PAPOLA: variants seen among roughly 807,000 people sequenced by gnomAD.
The protein encoded by PAPOLA is polynucleotide adenylyltransferase alpha.
PAPOLA carries 15 observed loss-of-function variants against 100.6 expected under a neutral mutation model. That is an observed-to-expected ratio of 0.15 (90% CI 0.10 to 0.23). The LOEUF is 0.23. Among genes scored for constraint, PAPOLA ranks in the 10% least tolerant of loss-of-function variants. The pLI is 1.00. For missense variants in PAPOLA, 533 were observed against 884.2 expected (o/e 0.60, Z 5.04); for synonymous variants, 293 against 300.0 (o/e 0.98, Z 0.24).
chr14:96,504,101 T>G (rs1896541565), intron 1 of PAPOLA, among the ~76,000 whole-genome samples: 2 of 152,214 alleles, frequency 1.3e-5, no homozygotes, highest in Non-Finnish European at 2.9e-5. Context: ...TGTTGTGGTG[T>G]TTCTCAGTTC....
At position 96,551,704 on chromosome 14, in the gene PAPOLA, C is replaced by T. The variant is rs539405029; in HGVS notation, c.1522-776C>T. ...GTAATATTACAGTAGTACCAAATAGCGAAAATTTAAACTCTGTTACTAGAA... is the reference window on the plus strand; with the variant it reads ...GTAATATTACAGTAGTACCAAATAGTGAAAATTTAAACTCTGTTACTAGAA... On this transcript the variant is annotated intron_variant, in intron 16 of 21. Coordinates refer to ENST00000216277, the MANE Select transcript of PAPOLA (RefSeq NM_032632.5). Among the ~76,000 whole-genome samples the T allele has an allele frequency of 1.3e-4, 20 of 152,148 alleles. No homozygotes were observed. The South Asian group carries it at 1.7e-3, about 13-fold the overall frequency.
At chr14:96,502,891 C>T (rs1005312887) in intron 1 of PAPOLA, 2 of 399,646 alleles carry the variant, frequency 5.0e-6, no homozygotes, top group Non-Finnish European at 8.9e-6. Flanking sequence ...CCCGGCCACT[C>T]CAGCTTCTCC....
intron 6 of PAPOLA, among the ~76,000 whole-genome samples, chr14:96,530,011 G>A (rs754876852): frequency 3.5e-4 from 53 of 152,150 alleles, no homozygotes; most frequent in Non-Finnish European, 6.9e-4. Context: ...AGACATAAAA[G>A]TTCTCAGATA....
intron 12 of PAPOLA, among the ~76,000 whole-genome samples, chr14:96,539,989 T>A (rs1899851374): frequency 6.6e-6 from 1 of 152,176 alleles, no homozygotes; most frequent in Non-Finnish European, 1.5e-5. Flanking sequence ...TCAGCATAAA[T>A]ACTTGTTAGA....
intron 19 of PAPOLA, among the ~76,000 whole-genome samples, chr14:96,559,095 T>C (rs1221345328): frequency 6.6e-6 from 1 of 151,760 alleles, no homozygotes; most frequent in Admixed American, 6.6e-5. Context: ...TTAATAGAAC[T>C]ATAGCATTTT....
chr14:96,502,477 G>T lies in PAPOLA; in HGVS notation c.-116G>T. 1.3e-6 allele frequency: 1 copy of T among 794,588 alleles called. No homozygotes were observed. The highest frequency in any genetic ancestry group is 2.1e-6 in the Non-Finnish European group (1 of 473,910). The allele number at this position is 794,588 out of a possible 1,614,324, so 49.2% of individuals were successfully genotyped here. A position where few individuals can be genotyped will look rare whatever the true frequency, so the allele number is the denominator to read the frequency against. On this transcript the variant is annotated 5_prime_UTR_variant, in exon 1 of 22. Coordinates refer to ENST00000216277, the MANE Select transcript of PAPOLA (RefSeq NM_032632.5). ...GCGGGAGCGGTGCGGGAGAGGGGTTGGACCCAGGGCTGAGGCAGGCCCCCC... is the reference window on the plus strand; with the variant it reads ...GCGGGAGCGGTGCGGGAGAGGGGTTTGACCCAGGGCTGAGGCAGGCCCCCC...
intron 20 of PAPOLA, 67 bp from the exon 21 acceptor site, chr14:96,562,752 C>T (rs1901960860): frequency 4.2e-6 from 4 of 947,716 alleles, no homozygotes; most frequent in Non-Finnish European, 6.7e-6. Flanking sequence ...AGCCACCAAA[C>T]CCAGTTATGT....
chr14:96,533,645 C>T (rs1171327156), intron 9 of PAPOLA: 1 of 516,880 alleles, frequency 1.9e-6, no homozygotes, highest in Admixed American at 6.5e-5. Flanking sequence ...AGCTCTGCCT[C>T]CTGGATTCAT....
At chr14:96,540,233 A>G (rs1190654148) in intron 12 of PAPOLA, among the ~76,000 whole-genome samples, 1 of 152,162 alleles carries the variant, frequency 6.6e-6, no homozygotes, top group Non-Finnish European at 1.5e-5. Context: ...GTTATTAAGA[A>G]TTTCCATTTT....
rs1451603279 is a variant in PAPOLA at position 96,542,222 on chromosome 14, ATGT to A, written c.1116-17_1116-15del. On this transcript the variant is annotated intron_variant, in intron 12 of 21. Transcript: ENST00000216277. ...AAAGCGTGTAAATAAAATAAATAGCATGTTGTCTTTATCTTCAAAGGCATTATA... is the reference window on the plus strand; with the variant it reads ...AAAGCGTGTAAATAAAATAAATAGCATGTCTTTATCTTCAAAGGCATTATA... 1 of 1,487,240 alleles carries A rather than the reference ATGT, an allele frequency of 6.7e-7. No homozygotes were observed. The highest frequency in any genetic ancestry group is 9.3e-7 in the Non-Finnish European group (1 of 1,070,056). 92.1% of individuals were successfully genotyped at this position (1,487,240 alleles called of 1,614,324 possible). A position where few individuals can be genotyped will look rare whatever the true frequency, so the allele number is the denominator to read the frequency against.
At chr14:96,521,954 A>G (rs1350712462) in intron 3 of PAPOLA, among the ~76,000 whole-genome samples, 2 of 151,524 alleles carry the variant, frequency 1.3e-5, no homozygotes, top group African/African-American at 4.9e-5. Context: ...GGCGGGCGCC[A>G]CCATGCCCAA....
intron 18 of PAPOLA, 79 bp from the exon 19 acceptor site, chr14:96,556,096 A>G: frequency 7.7e-7 from 1 of 1,305,492 alleles, no homozygotes; most frequent in Non-Finnish European, 1.1e-6. Context: ...ATGAAATCAA[A>G]TTCAGAGAAA....
intron 12 of PAPOLA, among the ~76,000 whole-genome samples, chr14:96,538,959 A>C (rs1435366639): frequency 2.0e-5 from 3 of 152,094 alleles, no homozygotes; most frequent in Non-Finnish European, 4.4e-5. Flanking sequence ...AGGAGCCAGA[A>C]CCATGGAGAA....
intron 3 of PAPOLA, 114 bp from the exon 4 acceptor site, chr14:96,525,196 A>G (rs1368252164): frequency 2.4e-5 from 15 of 633,612 alleles, no homozygotes; most frequent in South Asian, 5.9e-5. Context: ...AATACCCTTT[A>G]TATAAATTTA....
intron 6 of PAPOLA, among the ~76,000 whole-genome samples, chr14:96,528,227 T>C (rs539743743): frequency 6.6e-6 from 1 of 152,226 alleles, no homozygotes; most frequent in African/African-American, 2.4e-5. Flanking sequence ...ACAGAAGTAA[T>C]GAAACCTTAA....
At chr14:96,542,590 TG>T in intron 13 of PAPOLA, 183 bp from the exon 14 acceptor site, 1 of 581,484 alleles carries the variant, frequency 1.7e-6, no homozygotes, top group Non-Finnish European at 3.0e-6. Flanking sequence ...GTAACCTTGC[TG>T]GTGTGAATGG....
At chr14:96,518,414 CT>C (rs397966631) in intron 1 of PAPOLA, among the ~76,000 whole-genome samples, 150 of 145,104 alleles carry the variant, frequency 1.0e-3, no homozygotes, top group Admixed American at 1.4e-3. Flanking sequence ...TTGCTTTTTG[CT>C]TTTTTTTTTT....
chr14:96,533,137 A>C, intron 9 of PAPOLA: 2 of 983,706 alleles, frequency 2.0e-6, no homozygotes, highest in Non-Finnish European at 2.4e-6. Context: ...GTGCTTCGGG[A>C]CAAAAAAGGA....
At chr14:96,535,168 AT>A in intron 10 of PAPOLA, 1 of 928,810 alleles carries the variant, frequency 1.1e-6, no homozygotes, top group Non-Finnish European at 1.3e-6. Context: ...GATAAAAGAA[AT>A]TTAGGTTTGA....
Sources: allele counts gnomAD v4.1 joint callset (sites outside exome capture counted in the v4.1 genomes callset), GRCh38; gene constraint gnomAD v4.1.1; transcripts MANE v1.5; gene names NCBI Gene and HGNC (gene_info 2026-07-23, HGNC 2026-07-21).